Variants in NCKAP1 observed in about 807,000 individuals in gnomAD.
NCKAP1 encodes the protein NCK associated protein 1.
A neutral mutation model predicts 151.2 loss-of-function variants in NCKAP1; 21 were observed. The observed-to-expected ratio is 0.14, with a 90% CI of 0.10 to 0.20. NCKAP1 has a LOEUF of 0.20. Ranked by LOEUF, NCKAP1 falls within the 10% of genes least tolerant of loss-of-function variation. The pLI is 1.00. For synonymous variants in NCKAP1, 484 were observed against 451.8 expected (o/e 1.07, Z -0.90); for missense variants, 933 against 1,352.1 (o/e 0.69, Z 4.86).
rs776771134 is a variant in NCKAP1, at chr2:183,023,929, A to C, written c.109-13T>G. 1.7e-5 allele frequency: 26 copies of C among 1,550,604 alleles called. No homozygotes were observed. The highest frequency in any genetic ancestry group is 2.3e-5 in the Non-Finnish European group (26 of 1,141,230). ...GGTCTCCACATGCCTATAAAACAAC[A>C]GTAATAAAAAAAAGTGAAATGCACC... On this transcript the variant is annotated splice_polypyrimidine_tract_variant and intron_variant, in intron 1 of 30. Coordinates refer to ENST00000361354, the MANE Select transcript of NCKAP1 (RefSeq NM_013436.5).
intron 1 of NCKAP1, among the ~76,000 whole-genome samples, chr2:183,028,271 A>C (rs1698936575): frequency 6.6e-6 from 1 of 152,092 alleles, no homozygotes; most frequent in Non-Finnish European, 1.5e-5. Context: ...CAGAATTGAA[A>C]AAACAAAAAC....
rs752741107 is a variant in NCKAP1 at position 183,003,081 on chromosome 2, T to A, written c.313-51A>T. On this transcript the variant is annotated intron_variant, in intron 3 of 30. Transcript: ENST00000361354. ...TTTTATCTGTATAAATCTGTTTAAA[T>A]TCAGAAAACACAAACAAATAAGGTA... 2.0e-6 allele frequency: 3 copies of A among 1,499,786 alleles called. No individual in the cohort carries two copies. The Admixed American group carries it at 5.7e-5, about 29-fold the overall frequency. The allele number at this position is 1,499,786 out of a possible 1,614,324, so 92.9% of individuals were successfully genotyped here.
rs1696467036 is a variant in NCKAP1 at position 182,916,249 on chromosome 2, C to T, written c.*9453G>A. On this transcript the variant is annotated 3_prime_UTR_variant, in exon 31 of 31. Coordinates refer to ENST00000361354, the MANE Select transcript of NCKAP1 (RefSeq NM_013436.5). ...TTACAGGTGTAGAAATCCCCAGCTG[C>T]CTGTATCTCTGATGCTTCTCCACAG... 1 of 151,496 alleles carries T rather than the reference C, an allele frequency of 6.6e-6. No individual in the cohort carries two copies. The highest frequency in any genetic ancestry group is 1.5e-5 in the Non-Finnish European group (1 of 67,970). The allele number at this position is 151,496 out of a possible 1,614,324, so 9.4% of individuals were successfully genotyped here.
At chr2:182,942,593 G>A (rs1432350675) in intron 23 of NCKAP1, among the ~76,000 whole-genome samples, 1 of 152,014 alleles carries the variant, frequency 6.6e-6, no homozygotes, top group Non-Finnish European at 1.5e-5. Flanking sequence ...ATACATACAA[G>A]TAGAGGGAGA....
chr2:183,015,809 A>G (rs531226463), intron 2 of NCKAP1, among the ~76,000 whole-genome samples: 1 of 151,910 alleles, frequency 6.6e-6, no homozygotes, highest in South Asian at 2.1e-4. Flanking sequence ...AACCAAAAAA[A>G]AAAGCATTAA....
intron 19 of NCKAP1, chr2:182,957,029 C>T (rs1435072117): frequency 6.1e-6 from 1 of 164,416 alleles, no homozygotes; most frequent in Non-Finnish European, 1.3e-5. Flanking sequence ...AACAATGAAG[C>T]AAGCAAAGAT....
At chr2:182,987,285 C>T (rs190561242) in intron 9 of NCKAP1, among the ~76,000 whole-genome samples, 2 of 152,036 alleles carry the variant, frequency 1.3e-5, no homozygotes, top group Non-Finnish European at 2.9e-5. Flanking sequence ...AAATCTCTTA[C>T]ACTAAAATGG....
intron 20 of NCKAP1, among the ~76,000 whole-genome samples, chr2:182,955,820 T>C (rs867725368): frequency 1.1e-4 from 16 of 152,260 alleles, no homozygotes; most frequent in Middle Eastern, 3.4e-3. Flanking sequence ...CACTTTTCTC[T>C]AAACTTTGAC....
In NCKAP1 at chr2:182,919,880, G is replaced by A. The variant is rs545487134; in HGVS notation, c.*5822C>T. ...TTGGCCAGGTTGGTCTCAATCTCTTGACCTCAGGTGATCCATCCACCTTGG... is the reference window on the plus strand; with the variant it reads ...TTGGCCAGGTTGGTCTCAATCTCTTAACCTCAGGTGATCCATCCACCTTGG... On this transcript the variant is annotated 3_prime_UTR_variant, in exon 31 of 31. Coordinates refer to ENST00000361354, the MANE Select transcript of NCKAP1 (RefSeq NM_013436.5). 14 of 152,256 alleles carry A rather than the reference G, an allele frequency of 9.2e-5. No homozygotes were observed. Among genetic ancestry groups the A allele is most frequent in the Non-Finnish European group, 1.8e-4 (12 of 68,142 alleles). The allele number at this position is 152,256 out of a possible 1,614,324, so 9.4% of individuals were successfully genotyped here. A position where few individuals can be genotyped will look rare whatever the true frequency, so the allele number is the denominator to read the frequency against.
chr2:183,027,311 G>C (rs1485257920), intron 1 of NCKAP1, among the ~76,000 whole-genome samples: 3 of 152,122 alleles, frequency 2.0e-5, no homozygotes, highest in Non-Finnish European at 4.4e-5. Flanking sequence ...GAGAGTATTT[G>C]GCATACCAAG....
chr2:182,952,521 A>T lies in NCKAP1; in HGVS notation c.2504-19T>A. The T allele has an allele frequency of 6.6e-7, 1 of 1,515,204 alleles. No homozygotes were observed. Among genetic ancestry groups the T allele is most frequent in the Non-Finnish European group, 9.1e-7 (1 of 1,103,478 alleles). 93.9% of individuals were successfully genotyped at this position (1,515,204 alleles called of 1,614,324 possible). On this transcript the variant is annotated intron_variant, in intron 22 of 30. Coordinates refer to ENST00000361354, the MANE Select transcript of NCKAP1 (RefSeq NM_013436.5). The stretch of plus-strand genomic sequence containing the variant: ...CTCATTTCTGAAAGAAAACATACTT[A>T]ATTTTATACTTCCGACAGAGCAAAT...
intron 2 of NCKAP1, among the ~76,000 whole-genome samples, chr2:183,007,553 C>T (rs1022459141): frequency 6.6e-6 from 1 of 152,006 alleles, no homozygotes; most frequent in African/African-American, 2.4e-5. Context: ...TACAAAGGAA[C>T]GTGGGTAGTT....
chr2:182,977,314 A>G (rs1203051084), intron 14 of NCKAP1, among the ~76,000 whole-genome samples: 1 of 152,060 alleles, frequency 6.6e-6, no homozygotes, highest in Admixed American at 6.6e-5. Context: ...ACGTAGTGAA[A>G]CCCCATCTCT....
chr2:182,995,621 AAACAGC>A, intron 7 of NCKAP1, 74 bp downstream of exon 7: 3 of 1,342,558 alleles, frequency 2.2e-6, no homozygotes, highest in Non-Finnish European at 3.1e-6. Context: ...AATTAGAAAC[AAACAGC>A]AACAGCATTA....
chr2:182,997,833 A>G (rs1430683462), intron 6 of NCKAP1, among the ~76,000 whole-genome samples: 1 of 152,154 alleles, frequency 6.6e-6, no homozygotes, highest in African/African-American at 2.4e-5. Flanking sequence ...TATGAGTCCA[A>G]TATCATCCTG....
intron 13 of NCKAP1, among the ~76,000 whole-genome samples, 168 bp from the exon 14 acceptor site, chr2:182,979,083 A>G (rs1649742456): frequency 6.6e-6 from 1 of 152,126 alleles, no homozygotes; most frequent in Admixed American, 6.6e-5. Context: ...GAATCTCAAA[A>G]CCATTACATT....
chr2:182,955,310 A>G (rs1404668822), intron 20 of NCKAP1, among the ~76,000 whole-genome samples: 1 of 152,336 alleles, frequency 6.6e-6, no homozygotes, highest in East Asian at 1.9e-4. Flanking sequence ...ATGACTACAG[A>G]AACTTTGAAA....
intron 1 of NCKAP1, among the ~76,000 whole-genome samples, chr2:183,026,238 G>A (rs533459697): frequency 2.6e-5 from 4 of 152,234 alleles, no homozygotes; most frequent in Admixed American, 2.6e-4. Flanking sequence ...AGACCAGCCT[G>A]GACAACATAG....
At chr2:182,995,643 C>T in intron 7 of NCKAP1, 58 bp downstream of exon 7, 1 of 1,507,460 alleles carries the variant, frequency 6.6e-7, no homozygotes, top group Non-Finnish European at 9.1e-7. Flanking sequence ...CATTACTGAA[C>T]TATTATTTTT....
Sources: gnomAD v4.1 joint callset for allele counts (sites outside exome capture counted in the v4.1 genomes callset) on GRCh38, gnomAD v4.1.1 for gene constraint, MANE v1.5 for transcripts, NCBI Gene and HGNC (gene_info 2026-07-23, HGNC 2026-07-21) for gene names.